PCDHGA12: variants seen among roughly 807,000 people sequenced by gnomAD.
PCDHGA12 encodes protocadherin gamma-A12.
Under a neutral mutation model 61.1 loss-of-function variants are expected in PCDHGA12, and 43 were observed. The ratio of observed to expected loss-of-function variants is 0.70; its 90% confidence interval spans 0.55 to 0.91. PCDHGA12 has a LOEUF of 0.91. Among genes scored for constraint, PCDHGA12 ranks in the 40% least tolerant of loss-of-function variants. The pLI is 0.00. For synonymous variants in PCDHGA12, 520 were observed against 542.9 expected (o/e 0.96, Z 0.59); for missense variants, 1,236 against 1,227.7 (o/e 1.01, Z -0.10).
chr5:141,508,507 TGGTCCAGCCCAACCTCAG>T (rs1377043623), intron 3 of PCDHGA12, among the ~76,000 whole-genome samples: 1 of 152,178 alleles, frequency 6.6e-6, no homozygotes, highest in Non-Finnish European at 1.5e-5. Flanking sequence ...CTCTCCCTCC[TGGTCCAGCCCAACCTCAG>T]GGCACCCCCC....
chr5:141,432,137 T>A lies in PCDHGA12; in HGVS notation c.1378T>A (p.Tyr460Asn). Residue 460 changes from tyrosine (Y) to asparagine (N), a missense_variant, in exon 1 of 4, where the codon TAT becomes AAT. By Grantham distance (143) the Tyr-to-Asn change is moderately radical. Coordinates refer to ENST00000252085, the MANE Select transcript of PCDHGA12 (RefSeq NM_003735.3). The surrounding 1 kb of genome is among the most constrained non-coding windows in gnomAD (Gnocchi z 6.0). Reference protein sequence around the residue: ...PVFPQASYSAYIPENNPRGVS... With the variant: ...PVFPQASYSANIPENNPRGVS... ...CTTCCCTCAGGCCTCCTATTCCGCT[T>A]ATATCCCAGAGAACAATCCCAGAGG... 6.2e-7 allele frequency: 1 copy of A among 1,613,964 alleles called. No homozygotes were observed. Among genetic ancestry groups the A allele is most frequent in the Non-Finnish European group, 8.5e-7 (1 of 1,179,984 alleles).
chr5:141,464,068 C>A (rs2099075218), intron 1 of PCDHGA12, among the ~76,000 whole-genome samples: 1 of 152,036 alleles, frequency 6.6e-6, no homozygotes, highest in Admixed American at 6.6e-5. Flanking sequence ...AGTTCAAGGC[C>A]AGCCTGGCCA....
chr5:141,474,985 C>T (rs2099357651), intron 1 of PCDHGA12, among the ~76,000 whole-genome samples: 1 of 152,202 alleles, frequency 6.6e-6, no homozygotes, highest in Non-Finnish European at 1.5e-5. Context: ...TGTTTGGTGA[C>T]AACAATTCTA....
rs140916255 is a variant in PCDHGA12, at chr5:141,475,995, C to A, written c.2425-18812C>A. 2,057 of 1,172,604 alleles carry A rather than the reference C, an allele frequency of 1.8e-3. 30 individuals carry two copies. The African/African-American group carries it at 0.027, about 16-fold the overall frequency. 72.6% of individuals were successfully genotyped at this position (1,172,604 alleles called of 1,614,324 possible). ...ACTGAACAGCCGGCGAGCAAATCAA[C>A]GGCATCCAGAAAGCCATGTCGGACT... On this transcript the variant is annotated intron_variant, in intron 1 of 3. Coordinates refer to ENST00000252085, the MANE Select transcript of PCDHGA12 (RefSeq NM_003735.3).
rs770828917 is a variant in PCDHGA12 at position 141,431,306 on chromosome 5, C to G, written c.547C>G (p.Gln183Glu). ...SPNTHFSLIV[Q>E]NGADGSKYPE... ...GAACACTCACTTCTCCCTCATCGTG[C>G]AAAATGGAGCCGACGGTAGTAAGTA... Residue 183 changes from glutamine (Q) to glutamate (E), a missense_variant, in exon 1 of 4, where the codon CAA (glutamine) becomes GAA (glutamate). Physicochemically the swap from Gln to Glu is conservative, Grantham distance 29. Transcript: ENST00000252085. The surrounding 1 kb of genome is among the most constrained non-coding windows in gnomAD (Gnocchi z 4.8). 6.2e-7 allele frequency: 1 copy of G among 1,614,124 alleles called. No homozygotes were observed. The highest frequency in any genetic ancestry group is 2.2e-5 in the East Asian group (1 of 44,878).
At position 141,485,704 on chromosome 5, in the gene PCDHGA12, CTT is replaced by C; in HGVS notation, c.2425-9101_2425-9100del. On this transcript the variant is annotated intron_variant, in intron 1 of 3. Coordinates refer to ENST00000252085, the MANE Select transcript of PCDHGA12 (RefSeq NM_003735.3). The surrounding 1 kb of genome is among the most constrained non-coding windows in gnomAD (Gnocchi z 5.7). ...GCTATAGGCTGAGCTCCAATGAACA[CTT>C]TGCACTGGATGTGAAGAAGCGCAGC... is the stretch of plus-strand genomic sequence containing the variant. 6.2e-7 allele frequency: 1 copy of C among 1,614,180 alleles called. No homozygotes were observed. The highest frequency in any genetic ancestry group is 8.5e-7 in the Non-Finnish European group (1 of 1,180,032).
intron 1 of PCDHGA12, among the ~76,000 whole-genome samples, chr5:141,456,714 C>T (rs1456452530): frequency 6.6e-6 from 1 of 152,176 alleles, no homozygotes; most frequent in Non-Finnish European, 1.5e-5. Flanking sequence ...CCTGTAATCC[C>T]AGCACTTTGG....
At chr5:141,498,220 G>T (rs1562182972) in intron 2 of PCDHGA12, among the ~76,000 whole-genome samples, 1 of 152,222 alleles carries the variant, frequency 6.6e-6, no homozygotes, top group Non-Finnish European at 1.5e-5. Flanking sequence ...GAGCATTCCA[G>T]ATGGTCAGGC....
At position 141,432,749 on chromosome 5, in the gene PCDHGA12, G is replaced by A; in HGVS notation, c.1990G>A (p.Val664Met). 6.8e-6 allele frequency: 11 copies of A among 1,614,106 alleles called. No homozygotes were observed. The highest frequency in any genetic ancestry group is 9.3e-6 in the Non-Finnish European group (11 of 1,179,980). Residue 664 changes from valine to methionine, a missense_variant, in exon 1 of 4, where the codon GTG becomes ATG. By Grantham distance (21) the Val-to-Met change is conservative. Coordinates refer to ENST00000252085, the MANE Select transcript of PCDHGA12 (RefSeq NM_003735.3). The surrounding 1 kb of genome is among the most constrained non-coding windows in gnomAD (Gnocchi z 6.0). Reference protein sequence around the residue: ...LSATVTLTVAVADSIPQVLAD... With the variant: ...LSATVTLTVAMADSIPQVLAD... ...CGCCACTGTCACGCTCACCGTGGCCGTGGCCGACAGCATCCCCCAAGTCCT... is the reference window on the plus strand; with the variant it reads ...CGCCACTGTCACGCTCACCGTGGCCATGGCCGACAGCATCCCCCAAGTCCT...
chr5:141,434,820 G>A (rs953824837), intron 1 of PCDHGA12, among the ~76,000 whole-genome samples: 1 of 151,302 alleles, frequency 6.6e-6, no homozygotes, highest in Admixed American at 6.6e-5. Flanking sequence ...ATATCCCTTA[G>A]TACACTTGGC....
chr5:141,480,225 G>A (rs1217912404), intron 1 of PCDHGA12, among the ~76,000 whole-genome samples: 1 of 147,152 alleles, frequency 6.8e-6, no homozygotes, highest in East Asian at 2.0e-4. Flanking sequence ...GCGACATAGT[G>A]AGATCCTGTC....
In PCDHGA12 at chr5:141,476,331, C is replaced by T; in HGVS notation, c.2425-18476C>T. On this transcript the variant is annotated intron_variant, in intron 1 of 3. Transcript: ENST00000252085. This position sits in a 1 kb window ranked among gnomAD's most constrained non-coding sequence, Gnocchi z 7.6. Reference sequence around the variant, plus strand: ...CGCAGGTTCCGGGTGGTGTCTGGAGCTAGCCGAAGATTCTTTGAGGTGAAC... The same window carrying T: ...CGCAGGTTCCGGGTGGTGTCTGGAGTTAGCCGAAGATTCTTTGAGGTGAAC... 1.2e-6 allele frequency: 2 copies of T among 1,614,156 alleles called. No individual in the cohort carries two copies. Among genetic ancestry groups the T allele is most frequent in the Non-Finnish European group, 1.7e-6 (2 of 1,180,042 alleles).
At chr5:141,461,456 T>C (rs12186717) in intron 1 of PCDHGA12, among the ~76,000 whole-genome samples, 42,391 of 152,030 alleles carry the variant, frequency 0.28, 6,631 homozygotes, top group African/African-American at 0.43. Context: ...AATGGCTATT[T>C]GTGTCCTTTG....
intron 2 of PCDHGA12, among the ~76,000 whole-genome samples, chr5:141,497,248 G>A (rs1442942520): frequency 6.6e-6 from 1 of 152,128 alleles, no homozygotes; most frequent in African/African-American, 2.4e-5. Context: ...AGGAGGAGGT[G>A]ACATTGAGAA....
chr5:141,494,674 C>A lies in PCDHGA12; in HGVS notation c.2425-133C>A, dbSNP rs532644387. ...ATTTTGTCTTTGGAGATGAGTCCAC[C>A]CCTGCCCCCTCTTAGTCCGTTTTCT... is the stretch of plus-strand genomic sequence containing the variant. On this transcript the variant is annotated intron_variant, in intron 1 of 3. Transcript: ENST00000252085. 3.4e-5 allele frequency: 53 copies of A among 1,545,802 alleles called. No homozygotes were observed. In the African/African-American group the frequency reaches 6.5e-4, roughly 19 times the overall value.
rs563057370 is a variant in PCDHGA12 at position 141,491,297 on chromosome 5, A to G, written c.2425-3510A>G. 1.2e-6 allele frequency: 2 copies of G among 1,614,106 alleles called. No homozygotes were observed. Among genetic ancestry groups the G allele is most frequent in the African/African-American group, 2.7e-5 (2 of 75,038 alleles). On this transcript the variant is annotated intron_variant, in intron 1 of 3. Transcript: ENST00000252085. This position sits in a 1 kb window ranked among gnomAD's most constrained non-coding sequence, Gnocchi z 6.9. The stretch of plus-strand genomic sequence containing the variant: ...AGTGACTTCCTCATACACCCTCCTG[A>G]GCGTTCAGACCTTACCCTTTACCTC...
chr5:141,479,333 G>A (rs2154577502), intron 1 of PCDHGA12: 1 of 152,652 alleles, frequency 6.6e-6, no homozygotes, highest in East Asian at 1.9e-4. Context: ...TCAGTGGTGT[G>A]CACCTGTAGT....
intron 2 of PCDHGA12, among the ~76,000 whole-genome samples, 199 bp downstream of exon 2, chr5:141,495,064 C>T (rs563712352): frequency 6.6e-6 from 1 of 152,296 alleles, no homozygotes; most frequent in South Asian, 2.1e-4. Context: ...GTTCAGGAAG[C>T]TCAATTCACA....
rs74792071 is a variant in PCDHGA12 at position 141,437,248 on chromosome 5, T to C, written c.2424+4065T>C. 4.6e-3 allele frequency among the ~76,000 whole-genome samples: 704 copies of C among 152,360 alleles called. 4 individuals carry two copies. The highest frequency in any genetic ancestry group is 0.015 in the African/African-American group (641 of 41,594). On this transcript the variant is annotated intron_variant, in intron 1 of 3. Transcript: ENST00000252085. ...CATAAAATTATGTCAAGGACTTTCC[T>C]TGTCTTTTTATGTGTATGACAGATG... is the stretch of plus-strand genomic sequence containing the variant.
Sources: allele counts gnomAD v4.1 joint callset (sites outside exome capture counted in the v4.1 genomes callset), GRCh38; gene constraint gnomAD v4.1.1; non-coding constraint Gnocchi (gnomAD v3.1); transcripts MANE v1.5; gene names NCBI Gene and HGNC (gene_info 2026-07-23, HGNC 2026-07-21).